HCRTR2: variants seen among roughly 807,000 people sequenced by gnomAD.
HCRTR2 encodes orexin receptor type 2.
Under a neutral mutation model 49.0 loss-of-function variants are expected in HCRTR2, and 22 were observed. That is an observed-to-expected ratio of 0.45 (90% CI 0.32 to 0.64). The LOEUF (loss-of-function observed/expected upper bound fraction) is 0.64. Ranked by LOEUF, HCRTR2 falls within the 30% of genes least tolerant of loss-of-function variation. HCRTR2 has a pLI of 0.04. For missense variants in HCRTR2, 491 were observed against 559.4 expected (o/e 0.88, Z 1.23); for synonymous variants, 236 against 205.3 (o/e 1.15, Z -1.28).
intron 1 of HCRTR2, among the ~76,000 whole-genome samples, chr6:55,180,965 ATTTTT>A (rs11441768): frequency 7.2e-6 from 1 of 139,356 alleles, no homozygotes; most frequent in Non-Finnish European, 1.5e-5. Context: ...ATGCCCAGCT[ATTTTT>A]TTTTTTTTTT....
At chr6:55,244,051 C>G (rs1228883700) in intron 1 of HCRTR2, among the ~76,000 whole-genome samples, 1 of 151,984 alleles carries the variant, frequency 6.6e-6, no homozygotes, top group Non-Finnish European at 1.5e-5. Flanking sequence ...GAGTGATGGT[C>G]TGGGCACGGA....
intron 1 of HCRTR2, among the ~76,000 whole-genome samples, chr6:55,155,255 C>T (rs1340444024): frequency 6.6e-6 from 1 of 151,648 alleles, no homozygotes; most frequent in East Asian, 1.9e-4. Context: ...TTAAACAAAC[C>T]TATGATTTCA....
chr6:55,247,808 T>A (rs1157275346), intron 1 of HCRTR2, among the ~76,000 whole-genome samples: 1 of 151,988 alleles, frequency 6.6e-6, no homozygotes, highest in Admixed American at 6.6e-5. Flanking sequence ...GAAAAATATG[T>A]TTGATTGCTG....
At chr6:55,112,076 T>A (rs952966378) in intron 1 of HCRTR2, among the ~76,000 whole-genome samples, 1 of 151,948 alleles carries the variant, frequency 6.6e-6, no homozygotes. Flanking sequence ...AGAAAAAGCA[T>A]TTGACAAAAT....
chr6:55,181,863 C>A (rs1028979285), intron 1 of HCRTR2, among the ~76,000 whole-genome samples: 1 of 152,212 alleles, frequency 6.6e-6, no homozygotes, highest in African/African-American at 2.4e-5. Context: ...CATTAACAAA[C>A]TTCATAAACT....
intron 1 of HCRTR2, among the ~76,000 whole-genome samples, chr6:55,200,004 G>T (rs1490710780): frequency 6.6e-6 from 1 of 152,154 alleles, no homozygotes; most frequent in African/African-American, 2.4e-5. Flanking sequence ...GGTATTTGGT[G>T]CTGGGTAGAC....
At chr6:55,170,117 G>A (rs1195878483), upstream of HCRTR2, among the ~76,000 whole-genome samples, 1 of 151,156 alleles carries the variant, frequency 6.6e-6, no homozygotes, top group Non-Finnish European at 1.5e-5. Flanking sequence ...GTTAGTGAAA[G>A]AGCTAAAATA....
chr6:55,262,179 T>A (rs1400808701), intron 3 of HCRTR2, among the ~76,000 whole-genome samples: 2 of 151,366 alleles, frequency 1.3e-5, no homozygotes, highest in Admixed American at 1.3e-4. Flanking sequence ...ACTGCATGGG[T>A]GATAGATGCA....
At chr6:55,239,672 A>G (rs1286324773) in intron 1 of HCRTR2, among the ~76,000 whole-genome samples, 1 of 152,190 alleles carries the variant, frequency 6.6e-6, no homozygotes, top group South Asian at 2.1e-4. Context: ...TGGCAATGAG[A>G]AAATATTTGT....
At chr6:55,125,299 G>A (rs1764257893) in intron 1 of HCRTR2, among the ~76,000 whole-genome samples, 1 of 152,116 alleles carries the variant, frequency 6.6e-6, no homozygotes, top group African/African-American at 2.4e-5. Flanking sequence ...CTCTTGTAAG[G>A]CAGGTCTGGT....
intron 1 of HCRTR2, among the ~76,000 whole-genome samples, chr6:55,156,116 A>G (rs1764727306): frequency 6.6e-6 from 1 of 151,704 alleles, no homozygotes; most frequent in Non-Finnish European, 1.5e-5. Context: ...TAATAATATT[A>G]TTGTTACATT....
At chr6:55,196,221 G>A (rs1246039097) in intron 1 of HCRTR2, among the ~76,000 whole-genome samples, 2 of 152,018 alleles carry the variant, frequency 1.3e-5, no homozygotes, top group East Asian at 1.9e-4. Flanking sequence ...GCCATTTCAT[G>A]TATATGGTGG....
chr6:55,236,216 AT>A (rs1262809067), intron 1 of HCRTR2, among the ~76,000 whole-genome samples: 3 of 151,838 alleles, frequency 2.0e-5, no homozygotes, highest in Non-Finnish European at 4.4e-5. Flanking sequence ...GTTTCTCATT[AT>A]TTTTTTCCTA....
At chr6:55,163,616 A>G (rs1465076167) in intron 1 of HCRTR2, among the ~76,000 whole-genome samples, 1 of 152,210 alleles carries the variant, frequency 6.6e-6, no homozygotes, top group African/African-American at 2.4e-5. Flanking sequence ...ACCTTATACA[A>G]AAATTAACTC....
chr6:55,263,242 T>G (rs900701065), intron 3 of HCRTR2, among the ~76,000 whole-genome samples: 1 of 152,080 alleles, frequency 6.6e-6, no homozygotes, highest in African/African-American at 2.4e-5. Context: ...CTCAGGGAAC[T>G]TACATTCTAA....
chr6:55,174,465 A>G (rs1211922255), upstream of HCRTR2: 1 of 851,100 alleles, frequency 1.2e-6, no homozygotes, highest in East Asian at 2.5e-5. Context: ...TTTTCACGTC[A>G]TTTTCTGCTC....
chr6:55,148,937 A>G (rs1254992838), intron 1 of HCRTR2, among the ~76,000 whole-genome samples: 2 of 152,136 alleles, frequency 1.3e-5, no homozygotes, highest in Admixed American at 1.3e-4. Flanking sequence ...TAATTCTGAT[A>G]CTTTCTTTTT....
At chr6:55,122,469 T>G (rs1481619101) in intron 1 of HCRTR2, among the ~76,000 whole-genome samples, 1 of 152,180 alleles carries the variant, frequency 6.6e-6, no homozygotes, top group African/African-American at 2.4e-5. Flanking sequence ...CTCCTTCAGT[T>G]CTGCTCTGAC....
At position 55,273,279 on chromosome 6, in the gene HCRTR2, C is replaced by T. The variant is rs146323496; in HGVS notation, c.763-4101C>T. ...ATTGTTTCATAGAAGACCGCCAGTG[C>T]CTACCAAATATCTGTTATACTCTAT... On this transcript the variant is annotated intron_variant, in intron 4 of 6. Coordinates refer to ENST00000370862, the MANE Select transcript of HCRTR2 (RefSeq NM_001384272.1). Among the ~76,000 whole-genome samples the T allele has an allele frequency of 4.7e-3, 709 of 151,958 alleles. 3 individuals are homozygous for T. The highest frequency in any genetic ancestry group is 0.016 in the African/African-American group (654 of 41,462).
Sources: allele counts gnomAD v4.1 joint callset (sites outside exome capture counted in the v4.1 genomes callset), GRCh38; gene constraint gnomAD v4.1.1; transcripts MANE v1.5; gene names NCBI Gene and HGNC (gene_info 2026-07-23, HGNC 2026-07-21).